USP34: variants seen among roughly 807,000 people sequenced by gnomAD.
The protein encoded by USP34 is ubiquitin specific peptidase 34, also known as ubiquitin carboxyl-terminal hydrolase 34.
USP34 carries 70 observed loss-of-function variants against 460.3 expected under a neutral mutation model. The ratio of observed to expected loss-of-function variants is 0.15; its 90% CI spans 0.13 to 0.19. The LOEUF is 0.19. Ranked by LOEUF, USP34 falls within the 10% of genes least tolerant of loss-of-function variation. The pLI is 1.00. For missense variants in USP34, 3,985 were observed against 4,236.2 expected (o/e 0.94, Z 1.65); for synonymous variants, 1,647 against 1,405.3 (o/e 1.17, Z -3.85).
rs1160290810 is a variant in USP34, at chr2:61,211,872, T to C, written c.8740A>G (p.Arg2914Gly). The C allele has an allele frequency of 5.6e-6, 9 of 1,609,922 alleles. No homozygotes were observed. Among genetic ancestry groups the C allele is most frequent in the Non-Finnish European group, 7.6e-6 (9 of 1,178,836 alleles). The stretch of plus-strand genomic sequence containing the variant: ...TTAATATCTTCTAATTCTTCTTCTC[T>C]CATATCTGGCCTCTGAGCTATAAAC... Reference protein sequence around the residue: ...QLFIAQRPDMREEELEDIKQF... With the variant: ...QLFIAQRPDMGEEELEDIKQF... The change falls in exon 69 of 80, where the codon AGA becomes GGA. Residue 2914 changes from arginine to glycine, a missense_variant. By Grantham distance (125) the Arg-to-Gly change is moderately radical (BLOSUM62 -2). Transcript: ENST00000398571.
intron 1 of USP34, among the ~76,000 whole-genome samples, chr2:61,449,183 G>C (rs1050690333): frequency 1.3e-5 from 2 of 151,526 alleles, no homozygotes; most frequent in Non-Finnish European, 2.9e-5. Context: ...AGGGACAAGA[G>C]GAGCGCTCGA....
chr2:61,274,919 C>A (rs1187391979), intron 41 of USP34, among the ~76,000 whole-genome samples: 1 of 152,176 alleles, frequency 6.6e-6, no homozygotes, highest in Non-Finnish European at 1.5e-5. Flanking sequence ...TGTAATATCA[C>A]TAGAAATAGT....
At chr2:61,443,418 C>T (rs1420458583) in intron 1 of USP34, among the ~76,000 whole-genome samples, 3 of 151,782 alleles carry the variant, frequency 2.0e-5, no homozygotes, top group African/African-American at 7.3e-5. Context: ...CACTACATAT[C>T]CCATAAACAC....
intron 75 of USP34, among the ~76,000 whole-genome samples, chr2:61,195,145 G>A (rs566001923): frequency 9.9e-5 from 15 of 151,360 alleles, no homozygotes; most frequent in African/African-American, 3.4e-4. Flanking sequence ...GCTTGAACCC[G>A]TAAGGCAGAG....
At chr2:61,445,148 A>C (rs1695072665) in intron 1 of USP34, among the ~76,000 whole-genome samples, 1 of 150,640 alleles carries the variant, frequency 6.6e-6, no homozygotes, top group Admixed American at 6.7e-5. Context: ...AAAATTTGTC[A>C]ACAGCAGAAC....
At chr2:61,264,237 A>G (rs1688981144) in intron 43 of USP34, among the ~76,000 whole-genome samples, 1 of 152,250 alleles carries the variant, frequency 6.6e-6, no homozygotes, top group South Asian at 2.1e-4. Context: ...TGGGTAAACT[A>G]TGAACTGGAG....
chr2:61,214,368 T>C lies in USP34; in HGVS notation c.8374A>G (p.Ile2792Val), dbSNP rs749516059. The C allele has an allele frequency of 2.5e-5, 41 of 1,614,222 alleles. 1 individual carries two copies. Among genetic ancestry groups the C allele is most frequent in the South Asian group, 2.2e-5 (2 of 91,082 alleles). ...GCCTGTTTATTGTGATTTGTAGCTA[T>C]TGCTGGCTCAGAAAGTTTAGGCTGG... ...LFQPKLSEPA[I>V]ATNHNKQALL... Residue 2792 changes from isoleucine to valine, a missense_variant, in exon 68 of 80, where the codon ATA (isoleucine) becomes GTA (valine). Around this residue, in one of 14 missense-constraint regions of USP34, gnomAD observed 66 missense variants for 121.2 expected, o/e 0.54. Coordinates refer to ENST00000398571, the MANE Select transcript of USP34 (RefSeq NM_014709.4).
At position 61,241,593 on chromosome 2, in the gene USP34, T is replaced by C. The variant is rs752014346; in HGVS notation, c.6744A>G (p.Glu2248=). The C allele has an allele frequency of 1.9e-6, 3 of 1,610,842 alleles. No individual in the cohort carries two copies. Among genetic ancestry groups the C allele is most frequent in the Non-Finnish European group, 1.7e-6 (2 of 1,179,114 alleles). Residue 2248 remains glutamate, a synonymous_variant, in exon 53 of 80, where the codon GAA becomes GAG. Transcript: ENST00000398571. The part of the protein sequence containing the change: ...RMEPEEENGR[E]YKFDVSSELL... Reference sequence around the variant, plus strand: ...ACTCTGACGAAACATCAAATTTGTATTCTCTGCCATTTTCTTCCTCTGGTT... The same window carrying C: ...ACTCTGACGAAACATCAAATTTGTACTCTCTGCCATTTTCTTCCTCTGGTT...
At chr2:61,203,900 G>A (rs938822312) in intron 74 of USP34, among the ~76,000 whole-genome samples, 3 of 149,614 alleles carry the variant, frequency 2.0e-5, no homozygotes, top group Non-Finnish European at 4.4e-5. Flanking sequence ...TTTAAGGGAA[G>A]TAGAAGAAGT....
chr2:61,378,913 GAAAAAAAAAAAA>G (rs34463913), intron 7 of USP34, among the ~76,000 whole-genome samples: 1 of 57,872 alleles, frequency 1.7e-5, no homozygotes, highest in Non-Finnish European at 2.8e-5. Context: ...TCAAAAAAAC[GAAAAAAAAAAAA>G]AAAAAAAAAA....
intron 1 of USP34, among the ~76,000 whole-genome samples, chr2:61,425,703 GA>G (rs1413358596): frequency 6.6e-6 from 1 of 152,026 alleles, no homozygotes; most frequent in African/African-American, 2.4e-5. Context: ...ACTCTTAACC[GA>G]TTCTTAGTAA....
intron 5 of USP34, among the ~76,000 whole-genome samples, chr2:61,388,713 G>A (rs546536700): frequency 3.6e-4 from 54 of 151,780 alleles, no homozygotes; most frequent in African/African-American, 1.3e-3. Flanking sequence ...CTGAGATCAC[G>A]CCACTGCACT....
intron 53 of USP34, among the ~76,000 whole-genome samples, chr2:61,237,236 T>C (rs1177528580): frequency 6.6e-6 from 1 of 152,290 alleles, no homozygotes; most frequent in Middle Eastern, 3.4e-3. Flanking sequence ...TGTATCAGAC[T>C]CTGTATCAGG....
At chr2:61,440,066 C>T (rs1283941845) in intron 1 of USP34, among the ~76,000 whole-genome samples, 2 of 152,148 alleles carry the variant, frequency 1.3e-5, no homozygotes, top group Non-Finnish European at 2.9e-5. Context: ...ACCTTCTCCT[C>T]CCCGGTTCTG....
At chr2:61,454,785 G>A (rs1308641524) in intron 1 of USP34, among the ~76,000 whole-genome samples, 1 of 151,216 alleles carries the variant, frequency 6.6e-6, no homozygotes, top group Non-Finnish European at 1.5e-5. Context: ...CTGACCTCAC[G>A]TGATCCGCCC....
chr2:61,367,409 G>A (rs1306549091), intron 10 of USP34, among the ~76,000 whole-genome samples: 3 of 152,184 alleles, frequency 2.0e-5, no homozygotes, highest in Non-Finnish European at 4.4e-5. Flanking sequence ...GAGCCCAGAA[G>A]TTCAAGGCTG....
intron 69 of USP34, among the ~76,000 whole-genome samples, chr2:61,209,691 A>G (rs935185806): frequency 1.3e-5 from 2 of 152,236 alleles, no homozygotes; most frequent in African/African-American, 2.4e-5. Flanking sequence ...TTACTATATT[A>G]TCATTATTTT....
chr2:61,403,274 A>G (rs934321202), intron 3 of USP34, among the ~76,000 whole-genome samples: 1 of 152,138 alleles, frequency 6.6e-6, no homozygotes, highest in African/African-American at 2.4e-5. Flanking sequence ...CCATTTTTGA[A>G]AACAGGAAAG....
At chr2:61,191,328 G>A (rs1361655749) in intron 76 of USP34, 1 of 152,016 alleles carries the variant, frequency 6.6e-6, no homozygotes, top group African/African-American at 2.4e-5. Flanking sequence ...AGATTTAAAT[G>A]TGCATTTTAA....
Sources: allele counts gnomAD v4.1 joint callset (sites outside exome capture counted in the v4.1 genomes callset), GRCh38; gene constraint gnomAD v4.1.1; regional missense constraint gnomAD v4.1.1; transcripts MANE v1.5; gene names NCBI Gene and HGNC (gene_info 2026-07-23, HGNC 2026-07-21).